Variants in UGT1A9 observed in about 807,000 individuals in gnomAD.
UGT1A9 encodes the protein UDP-glucuronosyltransferase 1A9.
Under a neutral mutation model 45.0 loss-of-function variants are expected in UGT1A9, and 35 were observed. The ratio of observed to expected loss-of-function variants is 0.78; its 90% confidence interval spans 0.59 to 1.03. The LOEUF is 1.03. Ranked by LOEUF, UGT1A9 falls within the 50% of genes least tolerant of loss-of-function variation. UGT1A9 has a pLI of 0.00. For missense variants in UGT1A9, 687 were observed against 666.6 expected, an observed-to-expected ratio of 1.03 and a Z score of -0.34; for synonymous variants, 278 against 250.6, an observed-to-expected ratio of 1.11 and a Z score of -1.03.
Position 233,772,442 on chromosome 2 carries a change from C to T in UGT1A9, c.1476C>T (p.Leu492=), listed in dbSNP as rs1249728637. The T allele has an allele frequency of 1.2e-6, 2 of 1,614,208 alleles. No individual in the cohort carries two copies. Among genetic ancestry groups the T allele is most frequent in the Admixed American group, 3.3e-5 (2 of 60,020 alleles). ...ATTCCTTGGACGTGATTGGTTTCCTCTTGGCCGTCGTGCTGACAGTGGCCT... is the reference window on the plus strand; with the variant it reads ...ATTCCTTGGACGTGATTGGTTTCCTTTTGGCCGTCGTGCTGACAGTGGCCT... ...QYHSLDVIGF[L]LAVVLTVAFI... Residue 492 remains leucine, a synonymous_variant, in exon 5 of 5, where the codon CTC becomes CTT. Coordinates refer to ENST00000354728, the MANE Select transcript of UGT1A9 (RefSeq NM_021027.3).
intron 1 of UGT1A9, among the ~76,000 whole-genome samples, chr2:233,706,163 G>A (rs769337971): frequency 6.6e-6 from 1 of 152,200 alleles, no homozygotes; most frequent in East Asian, 1.9e-4. Context: ...CCTTCTAAAT[G>A]TGGAATGTGG....
In UGT1A9 at chr2:233,719,687, G is replaced by A. The variant is rs769294499; in HGVS notation, c.855+46898G>A. On this transcript the variant is annotated intron_variant, in intron 1 of 4. Coordinates refer to ENST00000354728, the MANE Select transcript of UGT1A9 (RefSeq NM_021027.3). ...GTGCCAACGGGAAGCCACTATCTCA[G>A]GTCTGTATTGGTGCCTTCATCCAAT... 1.5e-5 allele frequency: 25 copies of A among 1,613,862 alleles called. No homozygotes were observed. The African/African-American group carries it at 2.7e-4, about 17-fold the overall frequency.
Position 233,672,202 on chromosome 2 carries a change from T to A in UGT1A9, c.268T>A (p.Phe90Ile), listed in dbSNP as rs1054481134. The change falls in exon 1 of 5, where the codon TTC becomes ATC. Residue 90 changes from phenylalanine to isoleucine, a missense_variant. Phe to Ile is a conservative substitution (Grantham distance 21, BLOSUM62 0). Coordinates refer to ENST00000354728, the MANE Select transcript of UGT1A9 (RefSeq NM_021027.3). Reference protein sequence around the residue: ...SYTLEDLDREFKAFAHAQWKA... With the variant: ...SYTLEDLDREIKAFAHAQWKA... ...TACCCTGGAGGATCTGGACCGGGAGTTCAAGGCTTTTGCCCATGCTCAATG... is the reference window on the plus strand; with the variant it reads ...TACCCTGGAGGATCTGGACCGGGAGATCAAGGCTTTTGCCCATGCTCAATG... 4.3e-6 allele frequency: 7 copies of A among 1,613,900 alleles called. No individual in the cohort carries two copies. Among genetic ancestry groups the A allele is most frequent in the Non-Finnish European group, 5.9e-6 (7 of 1,180,002 alleles).
chr2:233,747,159 A>G lies in UGT1A9; in HGVS notation c.856-19875A>G, dbSNP rs145059616. 5.9e-5 allele frequency: 94 copies of G among 1,584,988 alleles called. 3 individuals carry two copies. The African/African-American group carries it at 1.2e-3, about 20-fold the overall frequency. Reference sequence around the variant, plus strand: ...CAAGGTAATTAAGATGAAGAAAACAAATGTAGGAGGCACAGCGTGGGGTGG... The same window carrying G: ...CAAGGTAATTAAGATGAAGAAAACAGATGTAGGAGGCACAGCGTGGGGTGG... On this transcript the variant is annotated intron_variant, in intron 1 of 4. Coordinates refer to ENST00000354728, the MANE Select transcript of UGT1A9 (RefSeq NM_021027.3).
intron 1 of UGT1A9, among the ~76,000 whole-genome samples, chr2:233,764,766 A>C (rs1389982241): frequency 6.6e-6 from 1 of 152,156 alleles, no homozygotes; most frequent in Non-Finnish European, 1.5e-5. Flanking sequence ...CTAGGGAGGA[A>C]GGAGTTCAGA....
intron 1 of UGT1A9, among the ~76,000 whole-genome samples, chr2:233,701,918 C>T (rs936190696): frequency 6.6e-6 from 1 of 152,056 alleles, no homozygotes; most frequent in Non-Finnish European, 1.5e-5. Context: ...GACACCCTAA[C>T]ATCACAATTA....
rs2075952118 is a variant in UGT1A9 at position 233,707,254 on chromosome 2, T to C, written c.855+34465T>C. Among the ~76,000 whole-genome samples, 5 of 152,178 alleles carry C rather than the reference T, an allele frequency of 3.3e-5. No individual in the cohort carries two copies. In the South Asian group the frequency reaches 1.0e-3, roughly 32 times the overall value. On this transcript the variant is annotated intron_variant, in intron 1 of 4. Coordinates refer to ENST00000354728, the MANE Select transcript of UGT1A9 (RefSeq NM_021027.3). The stretch of plus-strand genomic sequence containing the variant: ...ATGATTATTTCTCTTGTGTTTTTCT[T>C]CATCAGCATTTATTTTAAGTTCCAG...
At chr2:233,704,539 G>A (rs1188358198) in intron 1 of UGT1A9, among the ~76,000 whole-genome samples, 3 of 151,844 alleles carry the variant, frequency 2.0e-5, no homozygotes, top group Non-Finnish European at 4.4e-5. Context: ...ACAATACATG[G>A]TGATAATATT....
At chr2:233,762,315 G>A (rs565893517) in intron 1 of UGT1A9, among the ~76,000 whole-genome samples, 4 of 152,216 alleles carry the variant, frequency 2.6e-5, no homozygotes, top group Non-Finnish European at 4.4e-5. Flanking sequence ...TTAATGGGTC[G>A]AGAGTAATCC....
At position 233,730,468 on chromosome 2, in the gene UGT1A9, C is replaced by T. The variant is rs1456755301; in HGVS notation, c.856-36566C>T. ...TGATAGACAGGTGACCACAGGAGAC[C>T]TAGGCACTCACATGAAATAGAAGTG... On this transcript the variant is annotated intron_variant, in intron 1 of 4. Coordinates refer to ENST00000354728, the MANE Select transcript of UGT1A9 (RefSeq NM_021027.3). 5.3e-5 allele frequency among the ~76,000 whole-genome samples: 8 copies of T among 152,226 alleles called. No individual in the cohort carries two copies. In the East Asian group the frequency reaches 1.3e-3, roughly 26 times the overall value.
At chr2:233,755,021 G>C (rs1378604817) in intron 1 of UGT1A9, 1 of 1,305,166 alleles carries the variant, frequency 7.7e-7, no homozygotes, top group Non-Finnish European at 1.0e-6. Context: ...AGGGGTCCTT[G>C]AAGGGCCTGC....
At chr2:233,677,498 A>G (rs2074392191) in intron 1 of UGT1A9, among the ~76,000 whole-genome samples, 1 of 152,214 alleles carries the variant, frequency 6.6e-6, no homozygotes, top group Non-Finnish European at 1.5e-5. Flanking sequence ...GTATGTTATT[A>G]GTATTATATC....
intron 1 of UGT1A9, among the ~76,000 whole-genome samples, chr2:233,728,369 A>G (rs2008584): frequency 0.53 from 79,890 of 151,692 alleles, 22,359 homozygotes; most frequent in African/African-American, 0.73. Context: ...TGAACCCACC[A>G]TGGGTCTTTG....
At chr2:233,676,441 C>G (rs1226667479) in intron 1 of UGT1A9, among the ~76,000 whole-genome samples, 1 of 152,206 alleles carries the variant, frequency 6.6e-6, no homozygotes, top group African/African-American at 2.4e-5. Flanking sequence ...TCTCATGTTT[C>G]TATGGCACAT....
intron 1 of UGT1A9, among the ~76,000 whole-genome samples, chr2:233,710,136 G>C (rs2076112958): frequency 6.6e-6 from 1 of 152,178 alleles, no homozygotes; most frequent in African/African-American, 2.4e-5. Context: ...GCATTTCATT[G>C]TATAGATATA....
chr2:233,707,032 A>G (rs949515079), intron 1 of UGT1A9, among the ~76,000 whole-genome samples: 22 of 152,226 alleles, frequency 1.4e-4, no homozygotes, highest in African/African-American at 5.3e-4. Context: ...CCAGCCCCCA[A>G]GGTAGAGGAA....
At chr2:233,732,018 C>A (rs1393703380) in intron 1 of UGT1A9, among the ~76,000 whole-genome samples, 1 of 152,210 alleles carries the variant, frequency 6.6e-6, no homozygotes, top group East Asian at 1.9e-4. Context: ...TTTTGATTTG[C>A]ATTTCTCTGA....
intron 1 of UGT1A9, among the ~76,000 whole-genome samples, chr2:233,690,312 T>C (rs1469713381): frequency 6.6e-6 from 1 of 152,206 alleles, no homozygotes; most frequent in East Asian, 1.9e-4. Flanking sequence ...CCATTACTTA[T>C]GGGTCGTAGG....
chr2:233,685,839 G>A (rs1161288119), intron 1 of UGT1A9, among the ~76,000 whole-genome samples: 2 of 152,034 alleles, frequency 1.3e-5, no homozygotes, highest in African/African-American at 4.8e-5. Flanking sequence ...AAAAAATAAG[G>A]AAAATTTGTT....
Sources: allele counts gnomAD v4.1 joint callset (sites outside exome capture counted in the v4.1 genomes callset), GRCh38; gene constraint gnomAD v4.1.1; transcripts MANE v1.5; gene names NCBI Gene and HGNC (gene_info 2026-07-23, HGNC 2026-07-21).